CDON: variants seen among roughly 807,000 people sequenced by gnomAD.
The protein encoded by CDON is cell adhesion associated, oncogene regulated.
A neutral mutation model predicts 120.9 loss-of-function variants in CDON; 73 were observed. The observed-to-expected ratio is 0.60, with a 90% CI of 0.50 to 0.73. The LOEUF (loss-of-function observed/expected upper bound fraction) is 0.73, where lower values mean the gene tolerates loss of function less well. Ranked by LOEUF, CDON falls within the 30% of genes least tolerant of loss-of-function variation. CDON has a pLI of 0.00. For missense variants in CDON, 1,470 were observed against 1,587.3 expected, an observed-to-expected ratio of 0.93 and a Z score of 1.26; for synonymous variants, 566 against 573.5, an observed-to-expected ratio of 0.99 and a Z score of 0.19.
At chr11:126,035,284 G>A (rs1002503310) in intron 1 of CDON, among the ~76,000 whole-genome samples, 2 of 152,210 alleles carry the variant, frequency 1.3e-5, no homozygotes, top group East Asian at 3.8e-4. Context: ...GATCTTTGCT[G>A]CAAATAAACT....
chr11:126,007,198 T>C (rs1234627240), intron 8 of CDON, among the ~76,000 whole-genome samples: 4 of 152,182 alleles, frequency 2.6e-5, no homozygotes, highest in Non-Finnish European at 4.4e-5. Context: ...TGAAGTCAGA[T>C]TCCTGGTAAA....
chr11:126,052,201 C>A (rs921843341), intron 1 of CDON, among the ~76,000 whole-genome samples: 1 of 152,132 alleles, frequency 6.6e-6, no homozygotes, highest in Non-Finnish European at 1.5e-5. Flanking sequence ...ACTGCAATTT[C>A]TTTTAAGAGA....
At chr11:126,047,287 G>C (rs1022818355) in intron 1 of CDON, among the ~76,000 whole-genome samples, 32 of 152,144 alleles carry the variant, frequency 2.1e-4, no homozygotes, top group African/African-American at 7.7e-4. Context: ...AGAAAATCAA[G>C]ATGGTGTTCA....
At chr11:126,048,983 G>A (rs1043185024) in intron 1 of CDON, among the ~76,000 whole-genome samples, 3 of 101,228 alleles carry the variant, frequency 3.0e-5, no homozygotes, top group Admixed American at 9.4e-5. Flanking sequence ...GATTACAGGC[G>A]TGAGCCAACA....
At chr11:126,018,837 T>C (rs1349913724) in intron 4 of CDON, among the ~76,000 whole-genome samples, 1 of 152,206 alleles carries the variant, frequency 6.6e-6, no homozygotes, top group Non-Finnish European at 1.5e-5. Context: ...CCCAAAGTGC[T>C]GGGATTATAG....
intron 3 of CDON, among the ~76,000 whole-genome samples, chr11:126,020,338 C>G (rs1947596896): frequency 6.6e-6 from 1 of 152,090 alleles, no homozygotes; most frequent in African/African-American, 2.4e-5. Flanking sequence ...GAACCTAGGA[C>G]ATCAAAAAAA....
Position 125,997,341 on chromosome 11 carries a change from G to A in CDON, c.2228C>T (p.Pro743Leu). The change falls in exon 12 of 20, where the codon CCT becomes CTT. Residue 743 changes from proline (P) to leucine (L), a missense_variant. Pro to Leu is a moderately conservative substitution (Grantham distance 98). Transcript: ENST00000531738. The stretch of plus-strand genomic sequence containing the variant: ...GATTGGAGAACCCCCGTTTGCCCGA[G>A]GAATCCAAGTGACATAGACTGATGT... Reference protein sequence around the residue: ...SETSVYVTWIPRANGGSPITA... With the variant: ...SETSVYVTWILRANGGSPITA... 6.2e-7 allele frequency: 1 copy of A among 1,614,020 alleles called. No homozygotes were observed. The highest frequency in any genetic ancestry group is 8.5e-7 in the Non-Finnish European group (1 of 1,179,952).
At chr11:125,994,644 ATTAAG>A (rs979202229) in intron 13 of CDON, among the ~76,000 whole-genome samples, 2 of 152,230 alleles carry the variant, frequency 1.3e-5, no homozygotes, top group African/African-American at 2.4e-5. Flanking sequence ...CATGATGGCA[ATTAAG>A]TTAACAACAT....
In CDON at chr11:125,961,861, A is replaced by G. The variant is rs754024854; in HGVS notation, c.3494T>C (p.Val1165Ala). 2.5e-6 allele frequency: 4 copies of G among 1,614,206 alleles called. No individual in the cohort carries two copies. The South Asian group carries it at 3.3e-5, about 13-fold the overall frequency. Reference sequence around the variant, plus strand: ...CTCCGGCAACTGGCCACAATCAGGGACTGCGGAAGTCAGGCATACAGGCAC... The same window carrying G: ...CTCCGGCAACTGGCCACAATCAGGGGCTGCGGAAGTCAGGCATACAGGCAC... Reference protein sequence around the residue: ...VKVPVCLTSAVPDCGQLPEES... With the variant: ...VKVPVCLTSAAPDCGQLPEES... Residue 1165 changes from valine to alanine, a missense_variant, in exon 19 of 20, where the codon GTC becomes GCC. Val to Ala is a moderately conservative substitution (Grantham distance 64, BLOSUM62 0). Coordinates refer to ENST00000531738, the MANE Select transcript of CDON (RefSeq NM_001378964.1).
intron 12 of CDON, among the ~76,000 whole-genome samples, 179 bp downstream of exon 12, chr11:125,997,028 T>C (rs757203006): frequency 2.0e-5 from 3 of 151,830 alleles, no homozygotes; most frequent in Non-Finnish European, 4.4e-5. Context: ...AACACAAAAA[T>C]TAGCCAGGCA....
rs765264646 is a variant in CDON at position 125,978,397 on chromosome 11, A to T, written c.3277-14T>A. 1 of 1,554,728 alleles carries T rather than the reference A, an allele frequency of 6.4e-7. No homozygotes were observed. Among genetic ancestry groups the T allele is most frequent in the South Asian group, 1.1e-5 (1 of 87,250 alleles). Reference sequence around the variant, plus strand: ...CATTCCACCACCCTGGACAGGAAGGAGTGTCAGAGAAAAAGAAAAGAAGAA... The same window carrying T: ...CATTCCACCACCCTGGACAGGAAGGTGTGTCAGAGAAAAAGAAAAGAAGAA... On this transcript the variant is annotated splice_polypyrimidine_tract_variant and intron_variant, in intron 17 of 19. Transcript: ENST00000531738.
chr11:125,982,210 G>A (rs1056818231), intron 16 of CDON, among the ~76,000 whole-genome samples: 2 of 151,822 alleles, frequency 1.3e-5, no homozygotes, highest in East Asian at 1.9e-4. Flanking sequence ...TCCTGACCTC[G>A]TGATCCGCCC....
At chr11:125,967,970 C>T (rs1591545713) in intron 18 of CDON, among the ~76,000 whole-genome samples, 1 of 152,198 alleles carries the variant, frequency 6.6e-6, no homozygotes, top group Admixed American at 6.5e-5. Flanking sequence ...AATCTTCCTA[C>T]CTCAGCCTCC....
intron 8 of CDON, among the ~76,000 whole-genome samples, chr11:126,009,001 TG>T (rs1180486603): frequency 1.3e-5 from 2 of 152,212 alleles, no homozygotes; most frequent in African/African-American, 4.8e-5. Flanking sequence ...ATTAACTCCT[TG>T]GATTCTCACA....
At chr11:126,020,075 A>AAAAAAAAG (rs1304200609) in intron 3 of CDON, among the ~76,000 whole-genome samples, 2 of 151,888 alleles carry the variant, frequency 1.3e-5, no homozygotes, top group Non-Finnish European at 2.9e-5. Context: ...GAAAAAAAAG[A>AAAAAAAAG]AAAGAAAGCA....
chr11:125,981,965 A>ATTTCCTTTTTTTTTTTTTTTTTTTTT (rs1946318366), intron 16 of CDON, among the ~76,000 whole-genome samples: 1 of 34,434 alleles, frequency 2.9e-5, no homozygotes, highest in African/African-American at 8.2e-5. Context: ...AAGTGATTCT[A>ATTTCCTTTTTTTTTTTTTTTTTTTTT]TTTTCTTTTT....
intron 16 of CDON, among the ~76,000 whole-genome samples, chr11:125,982,457 G>C (rs1946339728): frequency 6.6e-6 from 1 of 152,212 alleles, no homozygotes; most frequent in Admixed American, 6.5e-5. Context: ...GCCAAGGCTG[G>C]ATTAGGTGTC....
chr11:125,989,716 G>A lies in CDON; in HGVS notation c.2694C>T (p.Thr898=), dbSNP rs750757512. Residue 898 remains threonine, a synonymous_variant, in exon 15 of 20, where the codon ACC becomes ACT. Transcript: ENST00000531738. The stretch of plus-strand genomic sequence containing the variant: ...AGCATTGCATTTTAATGTCATAGGA[G>A]GTTTCTGGCTGCAGGTGGCCAATCA... ...WHMIGHLQPE[T]SYDIKMQCFN... is the part of the protein sequence containing the mutation. 3.7e-6 allele frequency: 6 copies of A among 1,613,110 alleles called. No individual in the cohort carries two copies. Among genetic ancestry groups the A allele is most frequent in the East Asian group, 2.2e-5 (1 of 44,844 alleles).
chr11:126,020,437 C>G (rs1947599816), intron 3 of CDON, among the ~76,000 whole-genome samples: 1 of 152,164 alleles, frequency 6.6e-6, no homozygotes, highest in Non-Finnish European at 1.5e-5. Flanking sequence ...ACGGAGCCTG[C>G]AGGGGACTCT....
Sources: allele counts gnomAD v4.1 joint callset (sites outside exome capture counted in the v4.1 genomes callset), GRCh38; gene constraint gnomAD v4.1.1; transcripts MANE v1.5; gene names NCBI Gene and HGNC (gene_info 2026-07-23, HGNC 2026-07-21).